CCDC169: variants seen among roughly 807,000 people sequenced by gnomAD.
CCDC169 encodes the protein coiled-coil domain-containing protein 169.
CCDC169 carries 30 observed loss-of-function variants against 36.0 expected under a neutral mutation model. The observed-to-expected ratio is 0.83, with a 90% CI of 0.62 to 1.13. The LOEUF is 1.13. Ranked by LOEUF, CCDC169 falls within the 50% of genes most tolerant of loss-of-function variation. The pLI, the probability that CCDC169 is intolerant of heterozygous loss-of-function variation, is 0.00. For synonymous variants in CCDC169, 85 were observed against 81.5 expected (o/e 1.04, Z -0.23); for missense variants, 245 against 245.9 (o/e 1.00, Z 0.03).
chr13:36,270,356 C>A (rs891920358), intron 4 of CCDC169, among the ~76,000 whole-genome samples: 1 of 152,034 alleles, frequency 6.6e-6, no homozygotes, highest in Non-Finnish European at 1.5e-5. Context: ...CAAAGCAATG[C>A]ATACATTCAA....
intron 2 of CCDC169, among the ~76,000 whole-genome samples, chr13:36,289,968 C>T (rs1223495173): frequency 2.0e-5 from 3 of 152,240 alleles, no homozygotes; most frequent in Admixed American, 6.5e-5. Context: ...GTTATAGAAT[C>T]TTTTTACAGC....
chr13:36,276,844 T>A (rs1182660921), intron 4 of CCDC169, among the ~76,000 whole-genome samples: 5 of 152,084 alleles, frequency 3.3e-5, no homozygotes, highest in Non-Finnish European at 1.5e-5. Flanking sequence ...GGGATATACA[T>A]CCCCTATATC....
chr13:36,254,234 T>C, intron 4 of CCDC169, 91 bp from the exon 5 acceptor site: 4 of 792,554 alleles, frequency 5.0e-6, no homozygotes, highest in Non-Finnish European at 7.5e-6. Context: ...AAATGCCTTG[T>C]ATACCTAATA....
chr13:36,240,404 C>T (rs1871655664), intron 7 of CCDC169, among the ~76,000 whole-genome samples: 1 of 151,918 alleles, frequency 6.6e-6, no homozygotes, highest in South Asian at 2.1e-4. Context: ...TTTTCTATGT[C>T]AGCTATGTAC....
chr13:36,268,215 GA>G (rs1875584092), intron 4 of CCDC169, among the ~76,000 whole-genome samples: 1 of 152,138 alleles, frequency 6.6e-6, no homozygotes, highest in African/African-American at 2.4e-5. Context: ...CAGACCATAT[GA>G]TAGGCCACAA....
At chr13:36,270,240 A>G (rs1875859251) in intron 4 of CCDC169, among the ~76,000 whole-genome samples, 1 of 152,220 alleles carries the variant, frequency 6.6e-6, no homozygotes, top group Non-Finnish European at 1.5e-5. Flanking sequence ...TACAAGGAGA[A>G]CTACAAACCA....
rs1878946781 is a variant in CCDC169, at chr13:36,291,947, T to C, written c.163+3831A>G. On this transcript the variant is annotated intron_variant, in intron 2 of 7. Coordinates refer to ENST00000239859, the MANE Select transcript of CCDC169 (RefSeq NM_001144981.3). ...GCCTATAAAAGACTCAAAGGAGAAA[T>C]CCAGGATGAAGATGTAAACTTGTGT... 2.0e-5 allele frequency among the ~76,000 whole-genome samples: 3 copies of C among 151,728 alleles called. No individual in the cohort carries two copies. In the South Asian group the frequency reaches 6.2e-4, roughly 31 times the overall value.
chr13:36,294,360 T>C (rs949132190), intron 2 of CCDC169, among the ~76,000 whole-genome samples: 12 of 152,170 alleles, frequency 7.9e-5, no homozygotes, highest in Admixed American at 7.2e-4. Context: ...ACGCAGCTAC[T>C]TGATAAGTAC....
At chr13:36,236,468 G>A (rs559264115) in intron 7 of CCDC169, among the ~76,000 whole-genome samples, 58 of 151,968 alleles carry the variant, frequency 3.8e-4, no homozygotes, top group East Asian at 5.8e-4. Flanking sequence ...GAAACTGGAC[G>A]CCTACCTCAC....
At chr13:36,255,044 G>T (rs1427987347) in intron 4 of CCDC169, among the ~76,000 whole-genome samples, 3 of 152,014 alleles carry the variant, frequency 2.0e-5, no homozygotes, top group Non-Finnish European at 4.4e-5. Context: ...TTTCCAGAGT[G>T]CCCAGAGTGC....
Position 36,254,033 on chromosome 13 carries a change from G to A in CCDC169, c.414+12C>T. The A allele has an allele frequency of 6.5e-7, 1 of 1,542,938 alleles. No individual in the cohort carries two copies. Reference sequence around the variant, plus strand: ...TTTCAAAGGAATTGCTAAGTATAGAGTAAAAACAAACCTTTGATTCTTGTT... The same window carrying A: ...TTTCAAAGGAATTGCTAAGTATAGAATAAAAACAAACCTTTGATTCTTGTT... On this transcript the variant is annotated intron_variant, in intron 5 of 7. Transcript: ENST00000239859.
Position 36,268,724 on chromosome 13 carries a change from T to C in CCDC169, c.316-14581A>G, listed in dbSNP as rs145969808. ...TAAACAAAATAGAACATTAGTTAGA[T>C]TAACCAAGAAAAGAAGAGAGAAGAT... is the stretch of plus-strand genomic sequence containing the variant. On this transcript the variant is annotated intron_variant, in intron 4 of 7. Coordinates refer to ENST00000239859, the MANE Select transcript of CCDC169 (RefSeq NM_001144981.3). Among the ~76,000 whole-genome samples the C allele has an allele frequency of 1.8e-3, 276 of 152,238 alleles. 1 individual carries two copies. The highest frequency in any genetic ancestry group is 6.0e-3 in the African/African-American group (249 of 41,538).
chr13:36,289,888 T>C (rs561686980), intron 2 of CCDC169, among the ~76,000 whole-genome samples: 20 of 152,294 alleles, frequency 1.3e-4, no homozygotes, highest in Non-Finnish European at 4.4e-5. Context: ...ATCTTCAAAA[T>C]TGAAACAAAA....
chr13:36,236,166 T>G (rs183293501), intron 7 of CCDC169, among the ~76,000 whole-genome samples: 4 of 152,082 alleles, frequency 2.6e-5, no homozygotes, highest in East Asian at 3.9e-4. Flanking sequence ...TAAATCCACA[T>G]GGAAATAAAA....
chr13:36,244,971 T>C (rs928826922), intron 7 of CCDC169, among the ~76,000 whole-genome samples: 1 of 152,170 alleles, frequency 6.6e-6, no homozygotes, highest in African/African-American at 2.4e-5. Context: ...AATAATAATT[T>C]AAAGAATTTG....
At chr13:36,241,954 G>T (rs1310392031) in intron 7 of CCDC169, among the ~76,000 whole-genome samples, 2 of 151,922 alleles carry the variant, frequency 1.3e-5, no homozygotes, top group Non-Finnish European at 2.9e-5. Flanking sequence ...CACGAAATCT[G>T]GTTGTTTGAA....
chr13:36,287,580 C>T (rs763946068), intron 2 of CCDC169, among the ~76,000 whole-genome samples: 9 of 152,010 alleles, frequency 5.9e-5, no homozygotes, highest in African/African-American at 9.7e-5. Flanking sequence ...TTATGTTCTG[C>T]GTTGTGTCTA....
intron 2 of CCDC169, among the ~76,000 whole-genome samples, chr13:36,294,355 G>GC (rs2138659174): frequency 6.6e-6 from 1 of 152,274 alleles, no homozygotes; most frequent in South Asian, 2.1e-4. Flanking sequence ...TGCCAACGCA[G>GC]CTACTTGATA....
chr13:36,294,692 A>C (rs530791785), intron 2 of CCDC169, among the ~76,000 whole-genome samples: 1 of 152,220 alleles, frequency 6.6e-6, no homozygotes, highest in South Asian at 2.1e-4. Context: ...TCCCCGAGTA[A>C]GCAATTCCTG....
Sources: allele counts gnomAD v4.1 joint callset (sites outside exome capture counted in the v4.1 genomes callset), GRCh38; gene constraint gnomAD v4.1.1; transcripts MANE v1.5; gene names NCBI Gene and HGNC (gene_info 2026-07-23, HGNC 2026-07-21).